Variants in DLG2 observed in about 807,000 individuals in gnomAD.
The protein encoded by DLG2 is discs large MAGUK scaffold protein 2.
Under a neutral mutation model 132.5 loss-of-function variants are expected in DLG2, and 45 were observed. The observed-to-expected ratio is 0.34, with a 90% CI of 0.27 to 0.44. The LOEUF (loss-of-function observed/expected upper bound fraction) is 0.44, where lower values mean the gene tolerates loss of function less well. DLG2 is among the 20% of genes least tolerant of loss of function. The probability of loss-of-function intolerance (pLI) is 1.00; values close to 1 mark genes in which losing one functional copy is unlikely to be tolerated. For synonymous variants in DLG2, 424 were observed against 419.6 expected (o/e 1.01, Z -0.13); for missense variants, 1,045 against 1,196.9 (o/e 0.87, Z 1.87).
At position 85,442,548 on chromosome 11, in the gene DLG2, A is replaced by G. The variant is rs80146698; in HGVS notation, c.40+156109T>C. Among the ~76,000 whole-genome samples, 163 of 152,240 alleles carry G rather than the reference A, an allele frequency of 1.1e-3. 1 individual carries two copies. Among genetic ancestry groups the G allele is most frequent in the African/African-American group, 3.8e-3 (158 of 41,552 alleles). ...GGATGAGAAAGTTAGAAATAAAAGGATAGCAAAAGAGAAATTAAAAGTTTT... is the reference window on the plus strand; with the variant it reads ...GGATGAGAAAGTTAGAAATAAAAGGGTAGCAAAAGAGAAATTAAAAGTTTT... On this transcript the variant is annotated intron_variant, in intron 3 of 27. Coordinates refer to ENST00000376104, the MANE Select transcript of DLG2 (RefSeq NM_001142699.3).
chr11:84,899,242 C>T (rs1434059061), intron 6 of DLG2, among the ~76,000 whole-genome samples: 1 of 152,040 alleles, frequency 6.6e-6, no homozygotes, highest in East Asian at 1.9e-4. Context: ...TGCTTCCCCA[C>T]TCTGATGAAA....
intron 3 of DLG2, among the ~76,000 whole-genome samples, chr11:85,290,358 G>A (rs906009481): frequency 7.9e-5 from 12 of 151,976 alleles, no homozygotes; most frequent in African/African-American, 2.9e-4. Context: ...AAATTTCCTG[G>A]GGACATGGGG....
At chr11:83,776,145 C>T (rs905845234) in intron 18 of DLG2, among the ~76,000 whole-genome samples, 3 of 151,960 alleles carry the variant, frequency 2.0e-5, no homozygotes, top group Admixed American at 1.3e-4. Context: ...ATAAAACATG[C>T]TTTTCTGTGA....
At chr11:84,766,104 T>C (rs1483196519) in intron 6 of DLG2, among the ~76,000 whole-genome samples, 1 of 152,014 alleles carries the variant, frequency 6.6e-6, no homozygotes, top group East Asian at 1.9e-4. Context: ...ACCTAACTTA[T>C]TACTGACACA....
At chr11:83,905,148 A>G (rs2074401661) in intron 15 of DLG2, among the ~76,000 whole-genome samples, 1 of 152,198 alleles carries the variant, frequency 6.6e-6, no homozygotes, top group African/African-American at 2.4e-5. Context: ...AGTGGCAAAC[A>G]TTGTACTAAG....
At chr11:85,557,433 G>A (rs2077000311) in intron 3 of DLG2, among the ~76,000 whole-genome samples, 1 of 151,624 alleles carries the variant, frequency 6.6e-6, no homozygotes, top group African/African-American at 2.4e-5. Context: ...AACATCATTT[G>A]TCATATAATT....
At chr11:83,829,246 G>T (rs2053788180) in intron 17 of DLG2, among the ~76,000 whole-genome samples, 1 of 149,988 alleles carries the variant, frequency 6.7e-6, no homozygotes, top group Non-Finnish European at 1.5e-5. Context: ...GCCCAGGCTG[G>T]GGTGCAGTGG....
At chr11:83,766,483 C>T (rs1274292327) in intron 18 of DLG2, among the ~76,000 whole-genome samples, 1 of 151,198 alleles carries the variant, frequency 6.6e-6, no homozygotes, top group East Asian at 1.9e-4. Context: ...ATGCAGATTC[C>T]ACTGTGTTCC....
At chr11:84,174,602 T>C (rs565512468) in intron 8 of DLG2, among the ~76,000 whole-genome samples, 1 of 152,278 alleles carries the variant, frequency 6.6e-6, no homozygotes, top group African/African-American at 2.4e-5. Context: ...TTTGAATGCC[T>C]AAAATTTCCC....
At chr11:84,686,035 C>T (rs900392299) in intron 6 of DLG2, among the ~76,000 whole-genome samples, 14 of 152,208 alleles carry the variant, frequency 9.2e-5, no homozygotes, top group African/African-American at 2.9e-4. Flanking sequence ...CTTCAAGCCT[C>T]TTCACTCATT....
intron 4 of DLG2, among the ~76,000 whole-genome samples, chr11:85,219,369 T>C (rs967005744): frequency 6.6e-6 from 1 of 152,170 alleles, no homozygotes; most frequent in Non-Finnish European, 1.5e-5. Flanking sequence ...TATTTTTCCA[T>C]ATATTAGTAC....
intron 10 of DLG2, among the ~76,000 whole-genome samples, chr11:84,080,774 C>T (rs2154154702): frequency 6.6e-6 from 1 of 152,096 alleles, no homozygotes; most frequent in African/African-American, 2.4e-5. Context: ...GGTGGATCAC[C>T]TGAGGTCTGG....
At chr11:85,545,294 T>C (rs542054976) in intron 3 of DLG2, among the ~76,000 whole-genome samples, 65 of 152,336 alleles carry the variant, frequency 4.3e-4, no homozygotes, top group African/African-American at 1.5e-3. Context: ...TTACGTGTAT[T>C]GATTTGCATA....
intron 3 of DLG2, among the ~76,000 whole-genome samples, chr11:85,441,677 A>G (rs924562255): frequency 6.6e-6 from 1 of 152,220 alleles, no homozygotes; most frequent in African/African-American, 2.4e-5. Flanking sequence ...AATTATTGAT[A>G]GCACAAAGTG....
rs907309311 is a variant in DLG2 at position 83,654,529 on chromosome 11, GGTCCAAAA to G, written c.1826-21212_1826-21205del. On this transcript the variant is annotated intron_variant, in intron 18 of 27. Transcript: ENST00000376104. ...ACCATTTTCTCTTCCTGAGTCCTCA[GGTCCAAAA>G]GAAGCCACTTCATTTTTTGTATACT... 2.0e-5 allele frequency among the ~76,000 whole-genome samples: 3 copies of G among 152,210 alleles called. No individual in the cohort carries two copies. In the South Asian group the frequency reaches 6.2e-4, roughly 32 times the overall value.
At chr11:83,574,297 C>A (rs1344056489) in intron 19 of DLG2, among the ~76,000 whole-genome samples, 1 of 151,976 alleles carries the variant, frequency 6.6e-6, no homozygotes, top group African/African-American at 2.4e-5. Flanking sequence ...ATACTTCAAT[C>A]AATTTAAATT....
At chr11:84,429,652 G>A (rs958239001) in intron 7 of DLG2, among the ~76,000 whole-genome samples, 2 of 152,088 alleles carry the variant, frequency 1.3e-5, no homozygotes, top group Non-Finnish European at 2.9e-5. Flanking sequence ...TTTTTAAAGC[G>A]GGATGGCTTC....
chr11:83,761,237 A>G (rs1176705377), intron 18 of DLG2, among the ~76,000 whole-genome samples: 2 of 152,208 alleles, frequency 1.3e-5, no homozygotes, highest in South Asian at 4.1e-4. Context: ...CTGCAGTTGG[A>G]TAATTGCTAC....
At chr11:83,818,401 C>A (rs191133770) in intron 17 of DLG2, among the ~76,000 whole-genome samples, 2 of 152,136 alleles carry the variant, frequency 1.3e-5, no homozygotes, top group Non-Finnish European at 2.9e-5. Context: ...CCTCAGAATA[C>A]CTGGTGAGGT....
Sources: allele counts gnomAD v4.1 joint callset (sites outside exome capture counted in the v4.1 genomes callset), GRCh38; gene constraint gnomAD v4.1.1; transcripts MANE v1.5; gene names NCBI Gene and HGNC (gene_info 2026-07-23, HGNC 2026-07-21).